Variants in SPINK8 observed in about 807,000 individuals in gnomAD.
SPINK8 encodes the protein serine protease inhibitor Kazal-type 8.
A neutral mutation model predicts 14.4 loss-of-function variants in SPINK8; 12 were observed. The observed-to-expected ratio is 0.83, with a 90% CI of 0.53 to 1.35. SPINK8 has a LOEUF of 1.35. Ranked by LOEUF, SPINK8 falls within the 40% of genes most tolerant of loss-of-function variation. The pLI is 0.00. For missense variants in SPINK8, 103 were observed against 117.0 expected (o/e 0.88, Z 0.55); for synonymous variants, 32 against 37.6 (o/e 0.85, Z 0.55).
At chr3:48,331,751 T>A (rs1024422276) in intron 2 of SPINK8, among the ~76,000 whole-genome samples, 1 of 152,250 alleles carries the variant, frequency 6.6e-6, no homozygotes, top group Admixed American at 6.5e-5. Flanking sequence ...CACAACTTAG[T>A]GTCTGGGAGA....
intron 4 of SPINK8, among the ~76,000 whole-genome samples, chr3:48,327,837 A>T (rs2036167163): frequency 6.6e-6 from 1 of 152,196 alleles, no homozygotes; most frequent in Non-Finnish European, 1.5e-5. Context: ...GCAGAAATCG[A>T]ATAGAAAAAC....
chr3:48,312,514 G>C (rs2035935228), intron 6 of SPINK8, among the ~76,000 whole-genome samples: 1 of 151,754 alleles, frequency 6.6e-6, no homozygotes, highest in Admixed American at 6.6e-5. Context: ...TTGGTGGTGG[G>C]CACCTGTAAT....
chr3:48,330,435 CT>C (rs1014024245), intron 2 of SPINK8, among the ~76,000 whole-genome samples: 1 of 152,130 alleles, frequency 6.6e-6, no homozygotes, highest in African/African-American at 2.4e-5. Flanking sequence ...ATGAGAATCG[CT>C]TGAACCCAAG....
intron 6 of SPINK8, among the ~76,000 whole-genome samples, chr3:48,311,275 A>G (rs2035922077): frequency 6.6e-6 from 1 of 152,224 alleles, no homozygotes; most frequent in African/African-American, 2.4e-5. Context: ...TGAAAAACCC[A>G]TAGCTAATAT....
intron 4 of SPINK8, among the ~76,000 whole-genome samples, chr3:48,322,915 G>A (rs1050853754): frequency 6.6e-6 from 1 of 152,002 alleles, no homozygotes; most frequent in African/African-American, 2.4e-5. Flanking sequence ...TTTTGTGTGG[G>A]CATGTGTTTT....
At chr3:48,321,730 C>A (rs1575345003) in intron 4 of SPINK8, among the ~76,000 whole-genome samples, 1 of 150,854 alleles carries the variant, frequency 6.6e-6, no homozygotes, top group Admixed American at 6.6e-5. Flanking sequence ...AGGAGAATGA[C>A]TTGAACCCAG....
chr3:48,322,105 A>G (rs6804986), intron 4 of SPINK8, among the ~76,000 whole-genome samples: 40,510 of 151,962 alleles, frequency 0.27, 5,757 homozygotes, highest in South Asian at 0.3. Context: ...GTAAGCCACC[A>G]TGCCCAGCTG....
At chr3:48,314,146 G>T (rs1219953848) in intron 6 of SPINK8, among the ~76,000 whole-genome samples, 1 of 152,028 alleles carries the variant, frequency 6.6e-6, no homozygotes, top group Admixed American at 6.6e-5. Context: ...ATATGCATTT[G>T]CACCCATTTA....
At chr3:48,330,971 G>T (rs2036248793) in intron 2 of SPINK8, among the ~76,000 whole-genome samples, 3 of 151,928 alleles carry the variant, frequency 2.0e-5, no homozygotes. Flanking sequence ...TCCTAGGGAG[G>T]GGTGCCTTTG....
At chr3:48,315,566 C>T (rs2035976897) in intron 6 of SPINK8, among the ~76,000 whole-genome samples, 1 of 151,570 alleles carries the variant, frequency 6.6e-6, no homozygotes, top group Non-Finnish European at 1.5e-5. Context: ...ACTAAAACTA[C>T]AAAAATTAGT....
chr3:48,332,887 A>G (rs1458888647), intron 1 of SPINK8, among the ~76,000 whole-genome samples: 1 of 151,856 alleles, frequency 6.6e-6, no homozygotes, highest in East Asian at 1.9e-4. Context: ...TGAGAGGGAA[A>G]AAGGTACACA....
At chr3:48,309,591 T>C (rs1198108911) in intron 7 of SPINK8, among the ~76,000 whole-genome samples, 2 of 152,212 alleles carry the variant, frequency 1.3e-5, no homozygotes, top group East Asian at 3.8e-4. Context: ...ACCTTCTGAG[T>C]ATGTAAGGAA....
intron 6 of SPINK8, among the ~76,000 whole-genome samples, chr3:48,315,853 A>G (rs2107090592): frequency 6.6e-6 from 1 of 152,218 alleles, no homozygotes; most frequent in Non-Finnish European, 1.5e-5. Context: ...TTTTCCAAGA[A>G]CCTGAATAAA....
Position 48,321,091 on chromosome 3 carries a change from C to T in SPINK8, c.68-17G>A. On this transcript the variant is annotated splice_polypyrimidine_tract_variant and intron_variant, in intron 4 of 7. Coordinates refer to ENST00000434006, the MANE Select transcript of SPINK8 (RefSeq NM_001080525.3). ...GGGGGAAGTCTGGAAGACAAAAGCACATACAGAAAAGTTGCTTCTCTGTCT... is the reference window on the plus strand; with the variant it reads ...GGGGGAAGTCTGGAAGACAAAAGCATATACAGAAAAGTTGCTTCTCTGTCT... The T allele has an allele frequency of 6.4e-7, 1 of 1,568,606 alleles. No individual in the cohort carries two copies. Among genetic ancestry groups the T allele is most frequent in the Non-Finnish European group, 8.7e-7 (1 of 1,155,624 alleles).
rs187220398 is a variant in SPINK8, at chr3:48,317,380, C to T, written c.239+2117G>A. ...GTGTGCGCCTGTAATCCCAGCTACT[C>T]GGGAAGCTGAGGCAGGAGAATCACT... On this transcript the variant is annotated intron_variant, in intron 6 of 7. Transcript: ENST00000434006. Among the ~76,000 whole-genome samples, 276 of 152,002 alleles carry T rather than the reference C, an allele frequency of 1.8e-3. 1 individual carries two copies. Among genetic ancestry groups the T allele is most frequent in the African/African-American group, 3.2e-3 (131 of 41,466 alleles).
chr3:48,331,689 G>C (rs1365921536), intron 2 of SPINK8, among the ~76,000 whole-genome samples: 1 of 152,168 alleles, frequency 6.6e-6, no homozygotes, highest in Non-Finnish European at 1.5e-5. Context: ...CAAGGGAATG[G>C]GGCTTTCAGG....
Position 48,327,117 on chromosome 3 carries a change from G to A in SPINK8, c.67+1158C>T, listed in dbSNP as rs1575347127. 2.6e-5 allele frequency among the ~76,000 whole-genome samples: 4 copies of A among 152,276 alleles called. No homozygotes were observed. The South Asian group carries it at 6.2e-4, about 24-fold the overall frequency. ...ATAGTAGTAAGGGCCACATCACAAA[G>A]GCTTTGTGTTTATTACAGCAGAACT... On this transcript the variant is annotated intron_variant, in intron 4 of 7. Coordinates refer to ENST00000434006, the MANE Select transcript of SPINK8 (RefSeq NM_001080525.3).
intron 2 of SPINK8, among the ~76,000 whole-genome samples, chr3:48,331,100 T>C (rs559658807): frequency 6.6e-6 from 1 of 152,290 alleles, no homozygotes; most frequent in South Asian, 2.1e-4. Flanking sequence ...CAGCTTTGAT[T>C]CTGGAAGAGA....
chr3:48,316,522 C>T (rs1189283196), intron 6 of SPINK8: 1 of 153,648 alleles, frequency 6.5e-6, no homozygotes, highest in Non-Finnish European at 1.5e-5. Context: ...AATCCCAGCA[C>T]TTTGGGAGGT....
Sources: gnomAD v4.1 joint callset for allele counts (sites outside exome capture counted in the v4.1 genomes callset) on GRCh38, gnomAD v4.1.1 for gene constraint, MANE v1.5 for transcripts, NCBI Gene and HGNC (gene_info 2026-07-23, HGNC 2026-07-21) for gene names.